The following RALYL variants were observed in gnomAD, a reference collection of about 807,000 sequenced individuals.
The protein encoded by RALYL is RALY RNA binding protein like, also known as RNA-binding Raly-like protein.
RALYL carries 29 observed loss-of-function variants against 35.1 expected under a neutral mutation model. That is an observed-to-expected ratio of 0.83 (90% CI 0.61 to 1.13). RALYL has a LOEUF of 1.13. Among genes scored for constraint, RALYL ranks in the 50% most tolerant of loss-of-function variants. The pLI, the probability that RALYL is intolerant of heterozygous loss-of-function variation, is 0.00. For missense variants in RALYL, 359 were observed against 360.4 expected (o/e 1.00, Z 0.03); for synonymous variants, 120 against 127.6 (o/e 0.94, Z 0.40).
At chr8:84,591,560 A>AATATCTATT (rs1224969567) in intron 2 of RALYL, among the ~76,000 whole-genome samples, 1 of 152,172 alleles carries the variant, frequency 6.6e-6, no homozygotes, top group Non-Finnish European at 1.5e-5. Context: ...CAAGGGAGAA[A>AATATCTATT]ATATCTATTA....
intron 4 of RALYL, among the ~76,000 whole-genome samples, chr8:84,839,437 G>A (rs1432441161): frequency 3.9e-5 from 6 of 152,222 alleles, no homozygotes; most frequent in African/African-American, 7.2e-5. Context: ...GCCCGCCATT[G>A]CCCAGGCTTC....
chr8:84,876,524 A>G (rs1385568411), intron 7 of RALYL, among the ~76,000 whole-genome samples: 1 of 151,666 alleles, frequency 6.6e-6, no homozygotes. Context: ...GCTTTACGCA[A>G]AGATGTTAAG....
chr8:84,919,808 T>A (rs1849043675), intron 8 of RALYL, among the ~76,000 whole-genome samples: 2 of 151,940 alleles, frequency 1.3e-5, no homozygotes, highest in African/African-American at 4.8e-5. Context: ...GTTTATTAAA[T>A]TTTTTTTCAT....
intron 1 of RALYL, among the ~76,000 whole-genome samples, chr8:84,385,763 T>C (rs1417149903): frequency 6.6e-6 from 1 of 151,894 alleles, no homozygotes; most frequent in Non-Finnish European, 1.5e-5. Context: ...TTTGATGTTA[T>C]GCACAATTCA....
At chr8:84,389,032 A>G (rs959949125) in intron 1 of RALYL, among the ~76,000 whole-genome samples, 1 of 152,176 alleles carries the variant, frequency 6.6e-6, no homozygotes, top group African/African-American at 2.4e-5. Context: ...AGATGTAATG[A>G]AGGGATCCAG....
intron 1 of RALYL, among the ~76,000 whole-genome samples, chr8:84,526,234 C>A (rs144680196): frequency 6.6e-6 from 1 of 152,022 alleles, no homozygotes; most frequent in Non-Finnish European, 1.5e-5. Flanking sequence ...GGATTACAGG[C>A]GTGAACTACC....
At chr8:84,337,149 G>A (rs1161390624) in intron 1 of RALYL, among the ~76,000 whole-genome samples, 1 of 151,430 alleles carries the variant, frequency 6.6e-6, no homozygotes, top group African/African-American at 2.4e-5. Flanking sequence ...GCATTACAAT[G>A]GAAAGCTAGA....
chr8:84,335,255 C>T (rs756377786), intron 1 of RALYL, among the ~76,000 whole-genome samples: 13 of 152,166 alleles, frequency 8.5e-5, no homozygotes, highest in Non-Finnish European at 1.5e-4. Context: ...ACGACATATT[C>T]TCAGCTTCTG....
At position 84,917,508 on chromosome 8, in the gene RALYL, G is replaced by T. The variant is rs576956496; in HGVS notation, c.859-3386G>T. Among the ~76,000 whole-genome samples, 20 of 151,210 alleles carry T rather than the reference G, an allele frequency of 1.3e-4. 1 individual carries two copies. In the South Asian group the frequency reaches 4.2e-3, roughly 32 times the overall value. ...TTCTCTTTTAGTTATATTAAAATGT[G>T]CAGGTAAATTATTATTGGCTGTAGT... On this transcript the variant is annotated intron_variant, in intron 8 of 8. Coordinates refer to ENST00000521268, the MANE Select transcript of RALYL (RefSeq NM_173848.7).
chr8:84,489,542 C>A (rs1267545222), intron 1 of RALYL, among the ~76,000 whole-genome samples: 2 of 151,982 alleles, frequency 1.3e-5, no homozygotes, highest in African/African-American at 4.8e-5. Context: ...GACCTTCAGG[C>A]AATTTGCAGT....
intron 2 of RALYL, among the ~76,000 whole-genome samples, chr8:84,579,191 G>A (rs1216718470): frequency 6.6e-6 from 1 of 152,196 alleles, no homozygotes; most frequent in Non-Finnish European, 1.5e-5. Flanking sequence ...GCAGCAGGAG[G>A]CAGTCTTGTT....
At chr8:84,207,009 C>T (rs1818211715) in intron 1 of RALYL, among the ~76,000 whole-genome samples, 1 of 151,926 alleles carries the variant, frequency 6.6e-6, no homozygotes, top group South Asian at 2.1e-4. Context: ...GCAAAAAGAC[C>T]AAAAAGATAA....
intron 1 of RALYL, among the ~76,000 whole-genome samples, chr8:84,402,374 T>C (rs1312058587): frequency 6.6e-6 from 1 of 152,212 alleles, no homozygotes; most frequent in Admixed American, 6.5e-5. Flanking sequence ...CCTTTCTTGC[T>C]GATTGTGTCT....
At chr8:84,463,500 T>C (rs963748383) in intron 1 of RALYL, among the ~76,000 whole-genome samples, 6 of 152,024 alleles carry the variant, frequency 3.9e-5, no homozygotes, top group Admixed American at 2.6e-4. Flanking sequence ...TTAATTTAAT[T>C]GTGTATTATA....
intron 3 of RALYL, among the ~76,000 whole-genome samples, chr8:84,792,740 G>T (rs1003040914): frequency 6.6e-6 from 1 of 152,156 alleles, no homozygotes; most frequent in Non-Finnish European, 1.5e-5. Flanking sequence ...CCTGGGGCCA[G>T]CTTAGGTTTT....
chr8:84,587,737 T>A (rs1200389787), intron 2 of RALYL, among the ~76,000 whole-genome samples: 1 of 152,208 alleles, frequency 6.6e-6, no homozygotes, highest in African/African-American at 2.4e-5. Context: ...AGCTGTTGAA[T>A]GAGACTTTCC....
chr8:84,353,723 G>T (rs1375902738), intron 1 of RALYL, among the ~76,000 whole-genome samples: 1 of 150,296 alleles, frequency 6.7e-6, no homozygotes, highest in Non-Finnish European at 1.5e-5. Context: ...CCTAAAAAGG[G>T]TGTTTTGGTG....
chr8:84,693,015 A>G (rs546403074), intron 2 of RALYL, among the ~76,000 whole-genome samples: 62 of 152,150 alleles, frequency 4.1e-4, no homozygotes, highest in African/African-American at 1.4e-3. Flanking sequence ...TAGCCCAACC[A>G]CACCTTATTT....
At chr8:84,687,248 A>C (rs565907530) in intron 2 of RALYL, among the ~76,000 whole-genome samples, 15 of 152,154 alleles carry the variant, frequency 9.9e-5, no homozygotes, top group Non-Finnish European at 1.9e-4. Context: ...ATAGTCACTT[A>C]TTAAATGCCT....
Sources: allele counts gnomAD v4.1 joint callset (sites outside exome capture counted in the v4.1 genomes callset), GRCh38; gene constraint gnomAD v4.1.1; transcripts MANE v1.5; gene names NCBI Gene and HGNC (gene_info 2026-07-23, HGNC 2026-07-21).